The following OR51B5 variants were observed in gnomAD, a reference collection of about 807,000 sequenced individuals.
OR51B5 encodes the protein olfactory receptor 51B5.
For synonymous variants in OR51B5, 186 were observed against 144.8 expected, an observed-to-expected ratio of 1.28 and a Z score of -2.04; for missense variants, 456 against 374.6, an observed-to-expected ratio of 1.22 and a Z score of -1.79.
chr11:5,432,528 A>G (rs1388108714), intron 1 of OR51B5, among the ~76,000 whole-genome samples: 2 of 152,216 alleles, frequency 1.3e-5, no homozygotes, highest in Non-Finnish European at 2.9e-5. Context: ...TTAATGTCAC[A>G]TATTCAGTAT....
At chr11:5,359,107 T>C (rs963292261) in intron 1 of OR51B5, among the ~76,000 whole-genome samples, 6 of 152,012 alleles carry the variant, frequency 3.9e-5, no homozygotes, top group East Asian at 3.9e-4. Context: ...CCTCTCTCAC[T>C]ACTCCTATTC....
At chr11:5,435,681 T>C in intron 1 of OR51B5, among the ~76,000 whole-genome samples, 1 of 152,212 alleles carries the variant, frequency 6.6e-6, no homozygotes, top group Non-Finnish European at 1.5e-5. Context: ...CCTTTAGCTA[T>C]TTCTCCAAGT....
intron 1 of OR51B5, among the ~76,000 whole-genome samples, chr11:5,440,033 C>G (rs10838107): frequency 3.9e-5 from 6 of 151,912 alleles, no homozygotes; most frequent in Middle Eastern, 3.2e-3. Flanking sequence ...TCCTGCCATC[C>G]TGAATCAAGA....
At chr11:5,403,282 G>C (rs1350412075) in intron 1 of OR51B5, 3 of 471,534 alleles carry the variant, frequency 6.4e-6, no homozygotes, top group Non-Finnish European at 8.8e-6. Flanking sequence ...ACTGTATTGG[G>C]TATTGCCACT....
intron 1 of OR51B5, chr11:5,389,966 T>G: frequency 6.2e-7 from 1 of 1,611,930 alleles, no homozygotes; most frequent in Non-Finnish European, 8.5e-7. Flanking sequence ...CTCCCACTCA[T>G]TTTGCCTGCA....
intron 1 of OR51B5, among the ~76,000 whole-genome samples, chr11:5,358,228 A>C (rs1849224166): frequency 6.6e-6 from 1 of 152,204 alleles, no homozygotes; most frequent in Non-Finnish European, 1.5e-5. Flanking sequence ...AAGATCAACA[A>C]AATTGATAGA....
rs1177288372 is a variant in OR51B5, at chr11:5,394,543, C to G, written n.85-47633G>C. Among the ~76,000 whole-genome samples, 8 of 152,286 alleles carry G rather than the reference C, an allele frequency of 5.3e-5. No homozygotes were observed. In the East Asian group the frequency reaches 1.5e-3, roughly 29 times the overall value. On this transcript the variant is annotated intron_variant and non_coding_transcript_variant, in intron 1 of 4. Transcript: ENST00000415970. ...ATCCCGTTATTTAATATCCACAAGCCTCTCTAAGCCTTTGAAATTGATACT... is the reference window on the plus strand; with the variant it reads ...ATCCCGTTATTTAATATCCACAAGCGTCTCTAAGCCTTTGAAATTGATACT...
intron 1 of OR51B5, among the ~76,000 whole-genome samples, chr11:5,484,381 A>G: frequency 6.6e-6 from 1 of 152,308 alleles, no homozygotes; most frequent in East Asian, 1.9e-4. Context: ...ATAATCACAG[A>G]GTAGCAGTTA....
At chr11:5,402,217 G>C (rs1196593632) in intron 1 of OR51B5, among the ~76,000 whole-genome samples, 1 of 152,012 alleles carries the variant, frequency 6.6e-6, no homozygotes, top group African/African-American at 2.4e-5. Flanking sequence ...GTTTCGCCAT[G>C]TTGCCTAAGC....
At chr11:5,389,638 C>T (rs745349003) in intron 1 of OR51B5, 7 of 1,613,598 alleles carry the variant, frequency 4.3e-6, no homozygotes, top group Non-Finnish European at 5.9e-6. Flanking sequence ...TGCTGGCCCT[C>T]ACTGACCTGG....
chr11:5,471,106 A>G (rs1455854432), intron 1 of OR51B5, among the ~76,000 whole-genome samples: 1 of 152,212 alleles, frequency 6.6e-6, no homozygotes, highest in Admixed American at 6.5e-5. Flanking sequence ...TGGCTGCTGT[A>G]CATACTCACA....
chr11:5,414,644 T>C (rs1467713817), intron 1 of OR51B5, among the ~76,000 whole-genome samples: 2 of 151,918 alleles, frequency 1.3e-5, no homozygotes, highest in Non-Finnish European at 2.9e-5. Context: ...TAGTCTCTGA[T>C]AAAACAGACT....
intron 1 of OR51B5, among the ~76,000 whole-genome samples, chr11:5,350,415 T>C (rs1205525425): frequency 3.9e-5 from 6 of 152,198 alleles, no homozygotes; most frequent in African/African-American, 1.2e-4. Flanking sequence ...GTATATGAGA[T>C]GTATAGTCCA....
intron 1 of OR51B5, among the ~76,000 whole-genome samples, chr11:5,459,697 T>C (rs1475828968): frequency 6.6e-6 from 1 of 152,096 alleles, no homozygotes; most frequent in Non-Finnish European, 1.5e-5. Context: ...CTCCCATCAG[T>C]CTAAATGGCT....
chr11:5,424,371 AC>A lies in OR51B5; in HGVS notation n.85-77462del, dbSNP rs200833717. On this transcript the variant is annotated intron_variant and non_coding_transcript_variant, in intron 1 of 4. Coordinates refer to the OR51B5 transcript ENST00000415970. ...AAACAAACAAAAAACAAACAAACAA[AC>A]AAAAAAACACCTTTCAGCAAGATGA... Among the ~76,000 whole-genome samples, 5,981 of 152,132 alleles carry A rather than the reference AC, an allele frequency of 0.039. 557 individuals are homozygous for A. The East Asian group carries it at 0.4, about 10-fold the overall frequency.
At chr11:5,374,607 A>C (rs1367541880) in intron 1 of OR51B5, among the ~76,000 whole-genome samples, 2 of 152,182 alleles carry the variant, frequency 1.3e-5, no homozygotes, top group African/African-American at 4.8e-5. Flanking sequence ...TGAATGTATA[A>C]CTAGAATAAC....
At chr11:5,461,209 G>A (rs1033273107) in intron 1 of OR51B5, among the ~76,000 whole-genome samples, 1 of 152,210 alleles carries the variant, frequency 6.6e-6, no homozygotes, top group Non-Finnish European at 1.5e-5. Flanking sequence ...CATGTGCACT[G>A]CTCGGGCGAT....
chr11:5,501,590 A>G (rs1404645400), intron 1 of OR51B5, among the ~76,000 whole-genome samples: 1 of 147,566 alleles, frequency 6.8e-6, no homozygotes, highest in African/African-American at 2.4e-5. Context: ...GAACACACCA[A>G]GCGCCCAACT....
intron 1 of OR51B5, chr11:5,441,116 G>T (rs749018707): frequency 1.2e-6 from 2 of 1,614,000 alleles, no homozygotes; most frequent in Non-Finnish European, 1.7e-6. Flanking sequence ...CAGTGACATA[G>T]CGTAATGGAT....
Sources: gnomAD v4.1 joint callset for allele counts (sites outside exome capture counted in the v4.1 genomes callset) on GRCh38, gnomAD v4.1.1 for gene constraint, MANE v1.5 for transcripts, NCBI Gene and HGNC (gene_info 2026-07-23, HGNC 2026-07-21) for gene names.